The following MTNR1B variants were observed in gnomAD, a reference collection of about 807,000 sequenced individuals.
MTNR1B encodes the protein melatonin receptor 1B.
MTNR1B carries 7 observed loss-of-function variants against 7.0 expected under a neutral mutation model. The observed-to-expected ratio is 1.00, with a 90% confidence interval of 0.57 to 1.88. The LOEUF (loss-of-function observed/expected upper bound fraction) is 1.88. Among genes scored for constraint, MTNR1B ranks in the 40% most tolerant of loss-of-function variants. MTNR1B has a pLI of 0.00. For synonymous variants in MTNR1B, 226 were observed against 208.2 expected (o/e 1.09, Z -0.74); for missense variants, 478 against 486.5 (o/e 0.98, Z 0.16).
At chr11:92,983,735 G>C (rs904393452), downstream of MTNR1B, among the ~76,000 whole-genome samples, 2 of 152,184 alleles carry the variant, frequency 1.3e-5, no homozygotes, top group Admixed American at 6.5e-5. Flanking sequence ...AGTGCCCTCT[G>C]TGGGCCAGGA....
intron 1 of MTNR1B, among the ~76,000 whole-genome samples, chr11:92,973,114 C>T (rs1459489482): frequency 6.6e-6 from 1 of 152,194 alleles, no homozygotes; most frequent in Non-Finnish European, 1.5e-5. Context: ...CCTCGGCTAA[C>T]CTGGTGCTAG....
At chr11:92,970,188 G>A (rs948903594) in intron 1 of MTNR1B, among the ~76,000 whole-genome samples, 1 of 152,174 alleles carries the variant, frequency 6.6e-6, no homozygotes, top group Non-Finnish European at 1.5e-5. Flanking sequence ...AAGTTTTACT[G>A]GCGCGCTTTT....
At chr11:92,970,933 A>AT (rs1324361613) in intron 1 of MTNR1B, among the ~76,000 whole-genome samples, 6 of 151,966 alleles carry the variant, frequency 3.9e-5, no homozygotes, top group African/African-American at 1.5e-4. Context: ...AAATAGTAAT[A>AT]TGTATTTGGT....
Position 92,981,536 on chromosome 11 carries a change from G to A in MTNR1B, c.313G>A (p.Gly105Ser), listed in dbSNP as rs762043101. 1.4e-5 allele frequency: 23 copies of A among 1,614,012 alleles called. No homozygotes were observed. Among genetic ancestry groups the A allele is most frequent in the Middle Eastern group, 3.3e-4 (2 of 6,084 alleles). Residue 105 changes from glycine to serine, a missense_variant, in exon 2 of 2, where the codon GGC becomes AGC. Physicochemically the swap from Gly to Ser is moderately conservative, Grantham distance 56. Transcript: ENST00000257068. ...PLILVAIFYD[G>S]WALGEEHCKA... ...AATCCTCGTGGCCATCTTCTATGACGGCTGGGCCCTGGGGGAGGAGCACTG... is the reference window on the plus strand; with the variant it reads ...AATCCTCGTGGCCATCTTCTATGACAGCTGGGCCCTGGGGGAGGAGCACTG...
At chr11:92,974,834 C>A (rs1438269867) in intron 1 of MTNR1B, among the ~76,000 whole-genome samples, 1 of 152,140 alleles carries the variant, frequency 6.6e-6, no homozygotes, top group Non-Finnish European at 1.5e-5. Flanking sequence ...GATCTCCTGA[C>A]CTCGTGATCC....
intron 1 of MTNR1B, among the ~76,000 whole-genome samples, chr11:92,980,788 C>T (rs1054865134): frequency 6.6e-6 from 1 of 152,208 alleles, no homozygotes; most frequent in African/African-American, 2.4e-5. Flanking sequence ...AAGTGTCTGT[C>T]AACATGGCCA....
chr11:92,980,612 G>A (rs143975004), intron 1 of MTNR1B, among the ~76,000 whole-genome samples: 2 of 152,276 alleles, frequency 1.3e-5, no homozygotes, highest in Non-Finnish European at 2.9e-5. Flanking sequence ...GGTTGACCAA[G>A]CTTGGTGATG....
chr11:92,981,306 T>G, intron 1 of MTNR1B, 141 bp from the exon 2 acceptor site: 1 of 1,195,244 alleles, frequency 8.4e-7, no homozygotes, highest in South Asian at 1.5e-5. Flanking sequence ...AGAAATGCAA[T>G]CTGAGTCTTC....
chr11:92,980,792 A>G (rs1487703334), intron 1 of MTNR1B, among the ~76,000 whole-genome samples: 1 of 152,208 alleles, frequency 6.6e-6, no homozygotes, highest in Non-Finnish European at 1.5e-5. Flanking sequence ...GTCTGTCAAC[A>G]TGGCCACAAG....
intron 1 of MTNR1B, among the ~76,000 whole-genome samples, chr11:92,973,970 G>T (rs559336290): frequency 2.0e-5 from 3 of 152,336 alleles, no homozygotes; most frequent in African/African-American, 7.2e-5. Context: ...TCATGAAACT[G>T]AACTGCTTTG....
chr11:92,974,261 G>A (rs891786800), intron 1 of MTNR1B, among the ~76,000 whole-genome samples: 19 of 152,202 alleles, frequency 1.2e-4, no homozygotes, highest in Non-Finnish European at 1.8e-4. Context: ...TCTCACAATA[G>A]TGAATAAGTC....
At chr11:92,976,270 AGAATTGG>A (rs112219557) in intron 1 of MTNR1B, among the ~76,000 whole-genome samples, 25 of 152,274 alleles carry the variant, frequency 1.6e-4, no homozygotes, top group Middle Eastern at 3.4e-3. Context: ...GTAGAGATAG[AGAATTGG>A]GAAGTAAAGC....
intron 1 of MTNR1B, among the ~76,000 whole-genome samples, chr11:92,972,113 G>T (rs1445169151): frequency 6.6e-6 from 1 of 152,170 alleles, no homozygotes; most frequent in Non-Finnish European, 1.5e-5. Flanking sequence ...AAAACCTACA[G>T]CTCTTTGAAT....
Position 92,981,735 on chromosome 11 carries a change from C to T in MTNR1B, c.512C>T (p.Ala171Val). 1 of 1,614,232 alleles carries T rather than the reference C, an allele frequency of 6.2e-7. No individual in the cohort carries two copies. Among genetic ancestry groups the T allele is most frequent in the South Asian group, 1.1e-5 (1 of 91,084 alleles). The part of the protein sequence containing the change: ...ICLIWLLTVV[A>V]LLPNFFVGSL... ...CTCATCTGGCTCCTCACCGTGGTGGCCTTGCTGCCCAACTTCTTTGTGGGG... is the reference window on the plus strand; with the variant it reads ...CTCATCTGGCTCCTCACCGTGGTGGTCTTGCTGCCCAACTTCTTTGTGGGG... The change falls in exon 2 of 2, where the codon GCC becomes GTC. Residue 171 changes from alanine to valine, a missense_variant. Physicochemically the swap from Ala to Val is moderately conservative, Grantham distance 64. Transcript: ENST00000257068.
In MTNR1B at chr11:92,975,799, G is replaced by A. The variant is rs145460033; in HGVS notation, c.224-5648G>A. Among the ~76,000 whole-genome samples the A allele has an allele frequency of 9.0e-4, 137 of 152,284 alleles. 1 individual carries two copies. The highest frequency in any genetic ancestry group is 3.1e-3 in the African/African-American group (129 of 41,552). On this transcript the variant is annotated intron_variant, in intron 1 of 1. Coordinates refer to ENST00000257068, the MANE Select transcript of MTNR1B (RefSeq NM_005959.5). ...CCTACCCTCCAAGTTATAGAATGAA[G>A]TGGAGCCCACTCCATCAAGGCTTCT...
chr11:92,971,607 C>G (rs2136508754), intron 1 of MTNR1B, among the ~76,000 whole-genome samples: 1 of 152,280 alleles, frequency 6.6e-6, no homozygotes, highest in Admixed American at 6.5e-5. Context: ...GACATTGGCC[C>G]CTTCTGTCCC....
chr11:92,982,196 G>C lies in MTNR1B; in HGVS notation c.973G>C (p.Ala325Pro), dbSNP rs1206541255. The C allele has an allele frequency of 1.2e-6, 2 of 1,614,154 alleles. No homozygotes were observed. Among genetic ancestry groups the C allele is most frequent in the Non-Finnish European group, 1.7e-6 (2 of 1,180,038 alleles). The change falls in exon 2 of 2, where the codon GCC becomes CCC. Residue 325 changes from alanine to proline, a missense_variant. Coordinates refer to ENST00000257068, the MANE Select transcript of MTNR1B (RefSeq NM_005959.5). The part of the protein sequence containing the change: ...FRREYKRILL[A>P]LWNPRHCIQD... Reference sequence around the variant, plus strand: ...CAGGGAATACAAGAGGATCCTCTTGGCCCTTTGGAACCCACGGCACTGCAT... The same window carrying C: ...CAGGGAATACAAGAGGATCCTCTTGCCCCTTTGGAACCCACGGCACTGCAT...
chr11:92,984,726 C>T (rs1281942774), downstream of MTNR1B: 1 of 362,914 alleles, frequency 2.8e-6, no homozygotes, highest in Non-Finnish European at 5.4e-6. Context: ...TCTTCAGTTT[C>T]CTGGGCCCAT....
At chr11:92,970,527 G>T (rs752619448) in intron 1 of MTNR1B, among the ~76,000 whole-genome samples, 2 of 152,214 alleles carry the variant, frequency 1.3e-5, no homozygotes, top group Non-Finnish European at 2.9e-5. Context: ...GAACTAAATT[G>T]CTTTGAAATA....
Sources: gnomAD v4.1 joint callset for allele counts (sites outside exome capture counted in the v4.1 genomes callset) on GRCh38, gnomAD v4.1.1 for gene constraint, MANE v1.5 for transcripts, NCBI Gene and HGNC (gene_info 2026-07-23, HGNC 2026-07-21) for gene names.